FNDC3A: variants seen among roughly 807,000 people sequenced by gnomAD.
FNDC3A encodes fibronectin type III domain containing 3A.
FNDC3A carries 32 observed loss-of-function variants against 148.9 expected under a neutral mutation model. The ratio of observed to expected loss-of-function variants is 0.21; its 90% CI spans 0.16 to 0.29. FNDC3A has a LOEUF of 0.29. Among genes scored for constraint, FNDC3A ranks in the 10% least tolerant of loss-of-function variants. The pLI is 1.00. For missense variants in FNDC3A, 1,191 were observed against 1,452.8 expected (o/e 0.82, Z 2.93); for synonymous variants, 472 against 473.6 (o/e 1.00, Z 0.04).
intron 2 of FNDC3A, among the ~76,000 whole-genome samples, chr13:49,043,115 C>T (rs1201719321): frequency 6.6e-6 from 1 of 150,750 alleles, no homozygotes; most frequent in Admixed American, 6.6e-5. Context: ...GCCACCACAC[C>T]CAGCCAGTTT....
chr13:48,998,899 A>G (rs1952073510), intron 1 of FNDC3A, among the ~76,000 whole-genome samples: 1 of 152,242 alleles, frequency 6.6e-6, no homozygotes, highest in Non-Finnish European at 1.5e-5. Context: ...CTGAGATTAA[A>G]GGAAATAGAG....
chr13:49,198,416 A>G lies in FNDC3A; in HGVS notation c.2829A>G (p.Ile943Met), dbSNP rs1372631634. The stretch of plus-strand genomic sequence containing the variant: ...GAGCTGGTCCTTTCAGCCATATGAT[A>G]AAATTAAAAACTAAGCCTCTCCCTC... ...SLGAGPFSHM[I>M]KLKTKPLPPD... Residue 943 changes from isoleucine (I) to methionine (M), a missense_variant, in exon 23 of 26, where the codon ATA becomes ATG. Coordinates refer to ENST00000492622, the MANE Select transcript of FNDC3A (RefSeq NM_001079673.2). 5.0e-6 allele frequency: 8 copies of G among 1,614,114 alleles called. No homozygotes were observed. In the South Asian group the frequency reaches 7.7e-5, roughly 16 times the overall value.
At chr13:48,996,586 C>A (rs1285573490) in intron 1 of FNDC3A, among the ~76,000 whole-genome samples, 2 of 152,096 alleles carry the variant, frequency 1.3e-5, no homozygotes, top group African/African-American at 2.4e-5. Flanking sequence ...TATGCAAATA[C>A]TACAACATTT....
intron 3 of FNDC3A, among the ~76,000 whole-genome samples, chr13:49,110,947 G>T (rs1317604597): frequency 6.6e-6 from 1 of 152,130 alleles, no homozygotes; most frequent in African/African-American, 2.4e-5. Flanking sequence ...TTACTCTTCT[G>T]CAGGTTTTTG....
chr13:49,113,242 C>G (rs1431331624), intron 3 of FNDC3A, among the ~76,000 whole-genome samples: 1 of 151,450 alleles, frequency 6.6e-6, no homozygotes, highest in Non-Finnish European at 1.5e-5. Flanking sequence ...TGCCTTTCTC[C>G]TCTCCTTGCT....
Position 49,207,221 on chromosome 13 carries a change from G to A in FNDC3A, c.3423G>A (p.Val1141=), listed in dbSNP as rs1395663022. ...QDLVGPYSTT[V]LFISQRTEPP... ...TCGTAGGTCCCTACAGCACCACAGTGCTCTTCATCTCTCAGAGGACTGAAC... is the reference window on the plus strand; with the variant it reads ...TCGTAGGTCCCTACAGCACCACAGTACTCTTCATCTCTCAGAGGACTGAAC... The change falls in exon 26 of 26, where the codon GTG becomes GTA. Residue 1141 remains valine (V), a synonymous_variant. Transcript: ENST00000492622. 9.3e-6 allele frequency: 15 copies of A among 1,614,164 alleles called. No homozygotes were observed. Among genetic ancestry groups the A allele is most frequent in the Non-Finnish European group, 1.3e-5 (15 of 1,180,006 alleles).
intron 2 of FNDC3A, among the ~76,000 whole-genome samples, chr13:49,055,267 C>T (rs921092705): frequency 2.0e-5 from 3 of 152,048 alleles, no homozygotes; most frequent in African/African-American, 7.2e-5. Flanking sequence ...CTACACCCAG[C>T]TAGTCTTATT....
chr13:49,161,065 C>T (rs947766511), intron 8 of FNDC3A, among the ~76,000 whole-genome samples: 1 of 152,066 alleles, frequency 6.6e-6, no homozygotes, highest in African/African-American at 2.4e-5. Context: ...TGGAATAAGT[C>T]TGATGTGGTG....
intron 2 of FNDC3A, among the ~76,000 whole-genome samples, chr13:49,019,477 C>A (rs1873143235): frequency 6.6e-6 from 1 of 152,198 alleles, no homozygotes; most frequent in Non-Finnish European, 1.5e-5. Context: ...AGGGTGCGCG[C>A]ACCCACTGAC....
At chr13:49,149,480 T>C (rs1883170569) in intron 8 of FNDC3A, among the ~76,000 whole-genome samples, 1 of 152,204 alleles carries the variant, frequency 6.6e-6, no homozygotes, top group Non-Finnish European at 1.5e-5. Flanking sequence ...TTCATTATGT[T>C]GATATGGTGT....
At chr13:49,100,633 A>G (rs1879801849) in intron 3 of FNDC3A, among the ~76,000 whole-genome samples, 1 of 152,156 alleles carries the variant, frequency 6.6e-6, no homozygotes, top group Non-Finnish European at 1.5e-5. Context: ...AATTGATGTG[A>G]CAATATAGGA....
rs887407541 is a variant in FNDC3A, at chr13:48,975,921, C to A, written c.-296C>A. 1 of 151,960 alleles carries A rather than the reference C, an allele frequency of 6.6e-6. No homozygotes were observed. Among genetic ancestry groups the A allele is most frequent in the African/African-American group, 2.4e-5 (1 of 41,418 alleles). 9.4% of individuals were successfully genotyped at this position (151,960 alleles called of 1,614,324 possible). A position where few individuals can be genotyped will look rare whatever the true frequency, so the allele number is the denominator to read the frequency against. ...CGACTTCGGGCTCCTCCTCCCGGCT[C>A]CGTAGTAAGCATGGCGGCGGCGGCG... On this transcript the variant is annotated 5_prime_UTR_variant, in exon 1 of 26. Transcript: ENST00000492622.
chr13:48,991,514 A>C (rs149066184), intron 1 of FNDC3A, among the ~76,000 whole-genome samples: 98 of 151,962 alleles, frequency 6.4e-4, no homozygotes, highest in African/African-American at 2.0e-3. Context: ...TGGTGAAACT[A>C]CGTCTCTACA....
At chr13:49,066,184 G>A (rs1342629200) in intron 2 of FNDC3A, among the ~76,000 whole-genome samples, 1 of 152,108 alleles carries the variant, frequency 6.6e-6, no homozygotes. Context: ...TTAAAAAACT[G>A]TATTCCTGTA....
intron 14 of FNDC3A, among the ~76,000 whole-genome samples, chr13:49,179,796 A>G (rs1885216189): frequency 6.6e-6 from 1 of 152,194 alleles, no homozygotes; most frequent in East Asian, 1.9e-4. Context: ...TTTCTGGCAC[A>G]AGATTTCTAG....
intron 3 of FNDC3A, among the ~76,000 whole-genome samples, chr13:49,083,983 G>A (rs545475202): frequency 6.6e-6 from 1 of 152,166 alleles, no homozygotes; most frequent in South Asian, 2.1e-4. Flanking sequence ...CTGAATGAGC[G>A]TGTTAAATTT....
intron 2 of FNDC3A, among the ~76,000 whole-genome samples, chr13:49,040,919 G>C (rs1487804425): frequency 6.6e-6 from 1 of 151,998 alleles, no homozygotes; most frequent in African/African-American, 2.4e-5. Context: ...TTTTATCTCA[G>C]GTAATATAAC....
chr13:48,996,396 G>C (rs1451264243), intron 1 of FNDC3A, among the ~76,000 whole-genome samples: 4 of 152,036 alleles, frequency 2.6e-5, no homozygotes, highest in Non-Finnish European at 5.9e-5. Flanking sequence ...ATCAACCGTG[G>C]ATCAAAAATA....
intron 25 of FNDC3A, among the ~76,000 whole-genome samples, chr13:49,205,731 A>G (rs1407131499): frequency 6.6e-6 from 1 of 152,234 alleles, no homozygotes; most frequent in Admixed American, 6.5e-5. Context: ...GAACTAATGT[A>G]TAGTCACCAT....
Sources: allele counts gnomAD v4.1 joint callset (sites outside exome capture counted in the v4.1 genomes callset), GRCh38; gene constraint gnomAD v4.1.1; transcripts MANE v1.5; gene names NCBI Gene and HGNC (gene_info 2026-07-23, HGNC 2026-07-21).